Variants in USP9X observed in about 807,000 individuals in gnomAD.
USP9X encodes ubiquitin specific peptidase 9 X-linked, also known as ubiquitin carboxyl-terminal hydrolase 9X.
A neutral mutation model predicts 190.3 loss-of-function variants in USP9X; 7 were observed. The observed-to-expected ratio is 0.04, with a 90% CI of 0.02 to 0.07. The LOEUF (loss-of-function observed/expected upper bound fraction) is 0.07, where lower values mean the gene tolerates loss of function less well. Among genes scored for constraint, USP9X ranks in the 10% least tolerant of loss-of-function variants. The probability of loss-of-function intolerance (pLI) is 1.00; values close to 1 mark genes in which losing one functional copy is unlikely to be tolerated. For missense variants in USP9X, 1,010 were observed against 1,916.9 expected (o/e 0.53, Z 8.83); for synonymous variants, 645 against 659.5 (o/e 0.98, Z 0.34).
intron 14 of USP9X, among the ~76,000 whole-genome samples, chrX:41,159,824 A>G (rs1174350127): frequency 1.8e-5 from 2 of 111,673 alleles, no homozygotes; most frequent in Non-Finnish European, 1.9e-5. Flanking sequence ...GTGCTCAGCC[A>G]TGATTCCATT....
At chrX:41,173,436 T>C (rs1229077732) in intron 21 of USP9X, among the ~76,000 whole-genome samples, 3 of 112,174 alleles carry the variant, frequency 2.7e-5, no homozygotes, top group Non-Finnish European at 5.6e-5. Flanking sequence ...ATTTTTTAAA[T>C]GTATTTTTTG....
rs2062984562 is a variant in USP9X, at chrX:41,196,378, T to C, written c.4086+19T>C. On this transcript the variant is annotated intron_variant, in intron 27 of 44. Coordinates refer to ENST00000378308, the MANE Select transcript of USP9X (RefSeq NM_001039591.3). The stretch of plus-strand genomic sequence containing the variant: ...TTTGGGGGTGAGACTTTTTAAAATA[T>C]GCTTATCAATGTGATTCATTCTTTA... 1 of 1,185,062 alleles carries C rather than the reference T, an allele frequency of 8.4e-7. No individual in the cohort carries two copies. Among genetic ancestry groups the C allele is most frequent in the Non-Finnish European group, 1.1e-6 (1 of 877,808 alleles).
chrX:41,103,463 A>G (rs752786812), intron 1 of USP9X, among the ~76,000 whole-genome samples: 22 of 111,848 alleles, frequency 2.0e-4, no homozygotes, highest in Non-Finnish European at 3.4e-4. Context: ...ACAGGATACT[A>G]TGTGTATAGA....
intron 11 of USP9X, among the ~76,000 whole-genome samples, chrX:41,145,622 T>G (rs994288114): frequency 1.8e-5 from 2 of 112,089 alleles, no homozygotes; most frequent in Non-Finnish European, 1.9e-5. Context: ...TACATTAATG[T>G]AAAGTTCCGA....
chrX:41,213,321 T>A (rs769608955), intron 33 of USP9X, among the ~76,000 whole-genome samples: 1 of 111,075 alleles, frequency 9.0e-6, no homozygotes, highest in Non-Finnish European at 1.9e-5. Context: ...AGAAAGAAAC[T>A]CTACTTTGAG....
At chrX:41,086,280 C>T (rs923022596) in intron 1 of USP9X, among the ~76,000 whole-genome samples, 171 bp downstream of exon 1, 1 of 112,294 alleles carries the variant, frequency 8.9e-6, no homozygotes, top group African/African-American at 3.2e-5. Flanking sequence ...GCTGGGCGGG[C>T]GCGCGGGCCC....
intron 25 of USP9X, among the ~76,000 whole-genome samples, chrX:41,188,543 A>G (rs140366786): frequency 1.2e-4 from 13 of 112,351 alleles, no homozygotes; most frequent in African/African-American, 3.9e-4. Flanking sequence ...CTGACCTTCT[A>G]TTAGATTAAG....
chrX:41,120,374 CTA>C (rs1283412293), intron 1 of USP9X, among the ~76,000 whole-genome samples: 1 of 112,359 alleles, frequency 8.9e-6, no homozygotes, highest in Non-Finnish European at 1.9e-5. Flanking sequence ...GCGAAAAGCT[CTA>C]TTTTAAAATT....
intron 2 of USP9X, among the ~76,000 whole-genome samples, chrX:41,125,660 A>ACC (rs2062233765): frequency 2.3e-5 from 1 of 43,766 alleles, no homozygotes. Flanking sequence ...ACACACACAC[A>ACC]CACACACACA....
At chrX:41,148,278 T>C (rs763357047) in intron 11 of USP9X, 91 bp from the exon 12 acceptor site, 20 of 941,970 alleles carry the variant, frequency 2.1e-5, no homozygotes, top group Admixed American at 7.3e-5. Flanking sequence ...CTACGTTGCT[T>C]TTGATGAATT....
At chrX:41,139,524 G>A (rs2062404225) in intron 6 of USP9X, among the ~76,000 whole-genome samples, 1 of 111,733 alleles carries the variant, frequency 8.9e-6, no homozygotes, top group Non-Finnish European at 1.9e-5. Context: ...AGCCGGGTGT[G>A]GTGGTGTGTG....
At chrX:41,132,893 A>G (rs1231388724) in intron 4 of USP9X, among the ~76,000 whole-genome samples, 3 of 112,014 alleles carry the variant, frequency 2.7e-5, no homozygotes, top group Non-Finnish European at 5.6e-5. Context: ...TAATGCTGGA[A>G]TTAATCTTTT....
intron 23 of USP9X, among the ~76,000 whole-genome samples, chrX:41,185,734 C>T (rs1190258878): frequency 9.1e-6 from 1 of 109,463 alleles, no homozygotes; most frequent in African/African-American, 3.3e-5. Flanking sequence ...TGTCATGATC[C>T]CTGACACAGA....
intron 3 of USP9X, among the ~76,000 whole-genome samples, chrX:41,130,122 T>A (rs1423404463): frequency 1.8e-5 from 2 of 112,030 alleles, no homozygotes; most frequent in Non-Finnish European, 3.8e-5. Flanking sequence ...TGAATTGATT[T>A]TTCTATAAAT....
At chrX:41,147,653 A>C (rs1453667816) in intron 11 of USP9X, among the ~76,000 whole-genome samples, 1 of 110,764 alleles carries the variant, frequency 9.0e-6, no homozygotes, top group African/African-American at 3.3e-5. Flanking sequence ...GGGTTTCACC[A>C]TGTTAGCCAG....
intron 1 of USP9X, among the ~76,000 whole-genome samples, chrX:41,097,741 A>G (rs945334200): frequency 2.7e-5 from 3 of 111,784 alleles, no homozygotes; most frequent in East Asian, 2.8e-4. Context: ...CCTTCAATCT[A>G]TTGCGATATA....
rs1468084543 is a variant in USP9X at position 41,150,875 on chromosome X, C to T, written c.1627-46C>T. ...CTCAAAATAATTTGAAAATAAAATT[C>T]TCCTGAGTATTGATCTATTTAAAAC... On this transcript the variant is annotated intron_variant, in intron 12 of 44. Coordinates refer to ENST00000378308, the MANE Select transcript of USP9X (RefSeq NM_001039591.3). 3.7e-6 allele frequency: 4 copies of T among 1,082,479 alleles called. No individual in the cohort carries two copies. The East Asian group carries it at 1.3e-4, about 36-fold the overall frequency. The allele number at this position is 1,082,479 out of a possible 1,213,427, so 89.2% of individuals were successfully genotyped here.
At chrX:41,093,072 TC>T (rs1421360375) in intron 1 of USP9X, among the ~76,000 whole-genome samples, 3 of 111,368 alleles carry the variant, frequency 2.7e-5, no homozygotes, top group Non-Finnish European at 5.7e-5. Context: ...TGACTGTGTT[TC>T]CCAGGCTGGT....
rs759498356 is a variant in USP9X at position 41,194,248 on chromosome X, C to T, written c.3978-2003C>T. Among the ~76,000 whole-genome samples, 26 of 111,858 alleles carry T rather than the reference C, an allele frequency of 2.3e-4. 1 individual carries two copies. The highest frequency in any genetic ancestry group is 8.5e-4 in the African/African-American group (26 of 30,767). The stretch of plus-strand genomic sequence containing the variant: ...AATGTATGCTGTCAGGTCCTTTACA[C>T]TTGTACTTTAAATTAAGTTCTGAGG... On this transcript the variant is annotated intron_variant, in intron 26 of 44. Transcript: ENST00000378308.
Sources: gnomAD v4.1 joint callset for allele counts (sites outside exome capture counted in the v4.1 genomes callset) on GRCh38, gnomAD v4.1.1 for gene constraint, MANE v1.5 for transcripts, NCBI Gene and HGNC (gene_info 2026-07-23, HGNC 2026-07-21) for gene names.